SIPA1L1: variants seen among roughly 807,000 people sequenced by gnomAD.
SIPA1L1 encodes the protein signal induced proliferation associated 1 like 1, also known as signal-induced proliferation-associated 1-like protein 1.
Under a neutral mutation model 162.7 loss-of-function variants are expected in SIPA1L1, and 26 were observed. The ratio of observed to expected loss-of-function variants is 0.16; its 90% CI spans 0.12 to 0.22. The LOEUF (loss-of-function observed/expected upper bound fraction) is 0.22. SIPA1L1 is among the 10% of genes least tolerant of loss of function. SIPA1L1 has a pLI of 1.00. For synonymous variants in SIPA1L1, 829 were observed against 837.4 expected, an observed-to-expected ratio of 0.99 and a Z score of 0.17; for missense variants, 1,874 against 2,241.0, an observed-to-expected ratio of 0.84 and a Z score of 3.31.
chr14:71,583,823 G>C (rs1278327121), intron 4 of SIPA1L1, among the ~76,000 whole-genome samples: 2 of 152,118 alleles, frequency 1.3e-5, no homozygotes, highest in African/African-American at 2.4e-5. Flanking sequence ...GAGATTTGGA[G>C]GTAACAGCAT....
chr14:71,409,341 CTT>C (rs1485334090), intron 2 of SIPA1L1, among the ~76,000 whole-genome samples: 3 of 151,262 alleles, frequency 2.0e-5, no homozygotes, highest in African/African-American at 7.3e-5. Flanking sequence ...TTGTCTAAAA[CTT>C]TTTGTTTTGC....
rs546378335 is a variant in SIPA1L1, at chr14:71,532,034, G to T, written c.-303+2664G>T. Among the ~76,000 whole-genome samples, 52 of 151,376 alleles carry T rather than the reference G, an allele frequency of 3.4e-4. 1 individual carries two copies. Among genetic ancestry groups the T allele is most frequent in the South Asian group, 4.2e-4 (2 of 4,758 alleles). On this transcript the variant is annotated intron_variant, in intron 4 of 23. Coordinates refer to ENST00000381232, the MANE Select transcript of SIPA1L1 (RefSeq NM_001386936.1). Reference sequence around the variant, plus strand: ...ATTTCTGTTTTGTTTTTTTTTCTGGGTGCCATTTTTACTTAAATGTTTAAC... The same window carrying T: ...ATTTCTGTTTTGTTTTTTTTTCTGGTTGCCATTTTTACTTAAATGTTTAAC...
At chr14:71,606,720 G>T (rs960664951) in intron 5 of SIPA1L1, among the ~76,000 whole-genome samples, 18 of 151,912 alleles carry the variant, frequency 1.2e-4, no homozygotes, top group Non-Finnish European at 2.2e-4. Flanking sequence ...GTCTCTCCAC[G>T]CTCCCAACCG....
chr14:71,361,126 T>A (rs2037772514), intron 2 of SIPA1L1, among the ~76,000 whole-genome samples: 1 of 152,176 alleles, frequency 6.6e-6, no homozygotes, highest in African/African-American at 2.4e-5. Context: ...TACTTCTTAA[T>A]CTTTTATGTA....
chr14:71,542,966 C>A (rs1341661314), intron 4 of SIPA1L1, among the ~76,000 whole-genome samples: 2 of 152,132 alleles, frequency 1.3e-5, no homozygotes, highest in African/African-American at 2.4e-5. Context: ...TAGCTAACGT[C>A]TTTGTTCTGT....
At position 71,634,453 on chromosome 14, in the gene SIPA1L1, A is replaced by AT. The variant is rs577269874; in HGVS notation, c.1818+10229dup. Among the ~76,000 whole-genome samples the AT allele has an allele frequency of 2.0e-3, 293 of 145,708 alleles. 2 individuals are homozygous for AT. Among genetic ancestry groups the AT allele is most frequent in the Middle Eastern group, 0.011 (3 of 276 alleles). The stretch of plus-strand genomic sequence containing the variant: ...AAGGGAAGAACAATTTGAATCACAG[A>AT]TTTTTTTTTTTTATCAGAAATCATG... On this transcript the variant is annotated intron_variant, in intron 7 of 23. Transcript: ENST00000381232.
intron 3 of SIPA1L1, among the ~76,000 whole-genome samples, chr14:71,526,392 A>G (rs75964916): frequency 0.054 from 8,143 of 152,176 alleles, 269 homozygotes; most frequent in South Asian, 0.077. Context: ...TATTATTCTG[A>G]CTTACATAGT....
intron 7 of SIPA1L1, among the ~76,000 whole-genome samples, chr14:71,624,620 G>A (rs1348796834): frequency 5.9e-5 from 9 of 152,056 alleles, no homozygotes; most frequent in Admixed American, 5.9e-4. Flanking sequence ...CCTTTTCTAA[G>A]TGCCTTAAAT....
At chr14:71,690,992 C>T (rs1032471653) in intron 13 of SIPA1L1, among the ~76,000 whole-genome samples, 4 of 152,226 alleles carry the variant, frequency 2.6e-5, no homozygotes, top group African/African-American at 9.6e-5. Context: ...TGTTACCCAC[C>T]TTGGTGGATG....
At chr14:71,388,463 T>C (rs2141302231) in intron 2 of SIPA1L1, among the ~76,000 whole-genome samples, 1 of 152,380 alleles carries the variant, frequency 6.6e-6, no homozygotes. Flanking sequence ...CTTTAGCTTT[T>C]CTTTTCATAG....
At chr14:71,576,734 G>A (rs374225512) in intron 4 of SIPA1L1, 33 of 152,350 alleles carry the variant, frequency 2.2e-4, no homozygotes, top group African/African-American at 7.5e-4. Context: ...GAAACAGTTT[G>A]TGGGCAGGTG....
chr14:71,655,221 AT>A (rs1460961480), intron 8 of SIPA1L1, among the ~76,000 whole-genome samples: 3 of 152,062 alleles, frequency 2.0e-5, no homozygotes, highest in Non-Finnish European at 4.4e-5. Context: ...AACATGCAGT[AT>A]TTGACTTTCT....
chr14:71,415,023 C>T (rs2140384885), intron 2 of SIPA1L1, among the ~76,000 whole-genome samples: 1 of 152,322 alleles, frequency 6.6e-6, no homozygotes, highest in East Asian at 1.9e-4. Flanking sequence ...ACCTTGATCT[C>T]AGCCAGATGC....
chr14:71,661,547 A>T, intron 10 of SIPA1L1, 80 bp downstream of exon 10: 1 of 1,449,582 alleles, frequency 6.9e-7, no homozygotes, highest in African/African-American at 1.4e-5. Flanking sequence ...TCTGCATTCT[A>T]AAGTGGCAAT....
intron 2 of SIPA1L1, among the ~76,000 whole-genome samples, chr14:71,427,593 G>C (rs752581347): frequency 2.6e-5 from 4 of 152,144 alleles, no homozygotes; most frequent in Non-Finnish European, 4.4e-5. Flanking sequence ...CCCTGGCTCT[G>C]CTCACTTTTC....
intron 4 of SIPA1L1, among the ~76,000 whole-genome samples, chr14:71,565,609 T>C (rs1300699186): frequency 6.6e-6 from 1 of 152,236 alleles, no homozygotes; most frequent in African/African-American, 2.4e-5. Flanking sequence ...TTATATGCAA[T>C]AGTCATTTGG....
chr14:71,715,209 G>A (rs2083176711), intron 17 of SIPA1L1, among the ~76,000 whole-genome samples: 1 of 152,228 alleles, frequency 6.6e-6, no homozygotes, highest in African/African-American at 2.4e-5. Flanking sequence ...TTTGGAGCCT[G>A]AGACCCTGGT....
chr14:71,477,506 A>T (rs1439814359), intron 2 of SIPA1L1, among the ~76,000 whole-genome samples: 1 of 152,140 alleles, frequency 6.6e-6, no homozygotes, highest in African/African-American at 2.4e-5. Flanking sequence ...TTAATTAATC[A>T]ATTAATTAAT....
chr14:71,626,587 T>C (rs1183432652), intron 7 of SIPA1L1, among the ~76,000 whole-genome samples: 1 of 152,224 alleles, frequency 6.6e-6, no homozygotes, highest in Non-Finnish European at 1.5e-5. Flanking sequence ...TGCTTATAAG[T>C]GCAGTGGATT....
Sources: allele counts gnomAD v4.1 joint callset (sites outside exome capture counted in the v4.1 genomes callset), GRCh38; gene constraint gnomAD v4.1.1; transcripts MANE v1.5; gene names NCBI Gene and HGNC (gene_info 2026-07-23, HGNC 2026-07-21).